The following CCBE1 variants were observed in gnomAD, a reference collection of about 807,000 sequenced individuals.
CCBE1 encodes collagen and calcium-binding EGF domain-containing protein 1.
A neutral mutation model predicts 50.0 loss-of-function variants in CCBE1; 37 were observed. The observed-to-expected ratio is 0.74, with a 90% CI of 0.57 to 0.97. The LOEUF is 0.97. Among genes scored for constraint, CCBE1 ranks in the 50% least tolerant of loss-of-function variants. The probability of loss-of-function intolerance (pLI) is 0.00; values close to 1 mark genes in which losing one functional copy is unlikely to be tolerated. For missense variants in CCBE1, 538 were observed against 523.8 expected (o/e 1.03, Z -0.26); for synonymous variants, 234 against 203.7 (o/e 1.15, Z -1.27).
At chr18:59,549,257 G>C (rs1915827348) in intron 2 of CCBE1, among the ~76,000 whole-genome samples, 1 of 152,140 alleles carries the variant, frequency 6.6e-6, no homozygotes, top group African/African-American at 2.4e-5. Context: ...TTCTAGAAAT[G>C]TAACATTGGT....
intron 2 of CCBE1, among the ~76,000 whole-genome samples, chr18:59,502,237 G>A (rs1913655709): frequency 6.6e-6 from 1 of 152,300 alleles, no homozygotes; most frequent in East Asian, 1.9e-4. Flanking sequence ...GCTCAGCACC[G>A]AGCCCAGGCC....
intron 3 of CCBE1, among the ~76,000 whole-genome samples, chr18:59,475,327 A>G (rs886273302): frequency 2.0e-5 from 3 of 152,214 alleles, no homozygotes; most frequent in African/African-American, 7.2e-5. Context: ...CCCCTTGTTT[A>G]AAAACCTTTA....
intron 3 of CCBE1, among the ~76,000 whole-genome samples, chr18:59,476,000 G>A (rs1288573106): frequency 1.3e-5 from 2 of 152,240 alleles, no homozygotes; most frequent in Admixed American, 6.5e-5. Flanking sequence ...TTACAGGCGT[G>A]AGCCACTGCG....
rs114976653 is a variant in CCBE1, at chr18:59,629,393, C to A, written c.212+67236G>T. On this transcript the variant is annotated intron_variant, in intron 2 of 10. Coordinates refer to ENST00000439986, the MANE Select transcript of CCBE1 (RefSeq NM_133459.4). ...GCCATTTCCAATGCTGCTGTTTTTCCCTTCATTTTCATCATTTCATCTTCC... is the reference window on the plus strand; with the variant it reads ...GCCATTTCCAATGCTGCTGTTTTTCACTTCATTTTCATCATTTCATCTTCC... Among the ~76,000 whole-genome samples, 1,308 of 152,296 alleles carry A rather than the reference C, an allele frequency of 8.6e-3. 18 individuals are homozygous for A. Among genetic ancestry groups the A allele is most frequent in the African/African-American group, 0.03 (1,239 of 41,558 alleles).
At chr18:59,492,260 A>G (rs556046050) in intron 2 of CCBE1, among the ~76,000 whole-genome samples, 1 of 151,430 alleles carries the variant, frequency 6.6e-6, no homozygotes, top group South Asian at 2.1e-4. Context: ...TCCCTCTGGT[A>G]GAAGCCCCAA....
At chr18:59,443,634 T>C (rs1282908312) in intron 7 of CCBE1, among the ~76,000 whole-genome samples, 1 of 81,990 alleles carries the variant, frequency 1.2e-5, no homozygotes, top group Non-Finnish European at 2.6e-5. Context: ...CCCCGGCTAA[T>C]TTTTTTGTAT....
intron 2 of CCBE1, among the ~76,000 whole-genome samples, chr18:59,694,061 G>A (rs553460411): frequency 2.2e-4 from 34 of 151,724 alleles, no homozygotes; most frequent in Admixed American, 1.6e-3. Context: ...TAGTAGAGAC[G>A]GGGTTTTATC....
At chr18:59,660,735 T>TC (rs142859524) in intron 2 of CCBE1, among the ~76,000 whole-genome samples, 5 of 151,510 alleles carry the variant, frequency 3.3e-5, no homozygotes, top group East Asian at 1.9e-4. Context: ...GTATTTTTTT[T>TC]AAATATGATA....
intron 2 of CCBE1, among the ~76,000 whole-genome samples, chr18:59,694,710 T>C (rs1420375961): frequency 1.3e-5 from 2 of 152,104 alleles, no homozygotes; most frequent in Non-Finnish European, 2.9e-5. Context: ...GAAAATAATA[T>C]CCTCTATTCT....
intron 2 of CCBE1, among the ~76,000 whole-genome samples, chr18:59,683,246 C>T (rs770962763): frequency 7.2e-5 from 11 of 152,178 alleles, no homozygotes; most frequent in Non-Finnish European, 1.2e-4. Context: ...ACAAGACAAA[C>T]GCAGACATCA....
chr18:59,556,452 C>T (rs374150506), intron 2 of CCBE1, among the ~76,000 whole-genome samples: 8 of 152,108 alleles, frequency 5.3e-5, no homozygotes, highest in East Asian at 3.9e-4. Context: ...GACTAATGAA[C>T]GCTCTGGGAG....
At chr18:59,547,408 T>C (rs138936648) in intron 2 of CCBE1, among the ~76,000 whole-genome samples, 24 of 152,264 alleles carry the variant, frequency 1.6e-4, no homozygotes, top group African/African-American at 5.8e-4. Context: ...CAAAGAGCCC[T>C]GTTTTCAAGA....
chr18:59,645,896 T>C (rs934675436), intron 2 of CCBE1, among the ~76,000 whole-genome samples: 6 of 152,080 alleles, frequency 3.9e-5, no homozygotes, highest in African/African-American at 1.4e-4. Context: ...CCGGGTGTGG[T>C]GGCGGGTGCC....
chr18:59,489,538 C>CA (rs1282353730), intron 2 of CCBE1, among the ~76,000 whole-genome samples: 1 of 152,034 alleles, frequency 6.6e-6, no homozygotes, highest in Admixed American at 6.5e-5. Context: ...CTCAGTCTCC[C>CA]AAGTAGCTGG....
At chr18:59,620,293 C>T (rs1031709842) in intron 2 of CCBE1, among the ~76,000 whole-genome samples, 3 of 152,136 alleles carry the variant, frequency 2.0e-5, no homozygotes, top group Non-Finnish European at 4.4e-5. Flanking sequence ...GACAACCCTG[C>T]TGTTTCTAGG....
At chr18:59,456,740 C>G (rs1263412707) in intron 5 of CCBE1, among the ~76,000 whole-genome samples, 1 of 152,232 alleles carries the variant, frequency 6.6e-6, no homozygotes, top group Non-Finnish European at 1.5e-5. Context: ...GCAGGCAAAA[C>G]TTCCTTACAC....
At chr18:59,587,600 T>C (rs972231905) in intron 2 of CCBE1, among the ~76,000 whole-genome samples, 2 of 152,218 alleles carry the variant, frequency 1.3e-5, no homozygotes, top group Non-Finnish European at 2.9e-5. Context: ...TTATGGTCTA[T>C]AGGCTTTTTG....
At chr18:59,623,455 T>A (rs1292716194) in intron 2 of CCBE1, among the ~76,000 whole-genome samples, 4 of 152,228 alleles carry the variant, frequency 2.6e-5, no homozygotes, top group Non-Finnish European at 5.9e-5. Flanking sequence ...TCAAACCAGC[T>A]TCTTTTCGAA....
chr18:59,642,478 T>C (rs2054002553), intron 2 of CCBE1, among the ~76,000 whole-genome samples: 1 of 152,118 alleles, frequency 6.6e-6, no homozygotes, highest in Admixed American at 6.5e-5. Flanking sequence ...AGACATCCTC[T>C]AGAAAAACTT....
Sources: gnomAD v4.1 joint callset for allele counts (sites outside exome capture counted in the v4.1 genomes callset) on GRCh38, gnomAD v4.1.1 for gene constraint, MANE v1.5 for transcripts, NCBI Gene and HGNC (gene_info 2026-07-23, HGNC 2026-07-21) for gene names.